The following CPSF3 variants were observed in gnomAD, a reference collection of about 807,000 sequenced individuals.
CPSF3 encodes the protein cleavage and polyadenylation specificity factor subunit 3.
CPSF3 carries 57 observed loss-of-function variants against 84.1 expected under a neutral mutation model. That is an observed-to-expected ratio of 0.68 (90% CI 0.55 to 0.85). CPSF3 has a LOEUF of 0.85. Among genes scored for constraint, CPSF3 ranks in the 40% least tolerant of loss-of-function variants. The pLI is 0.00. For synonymous variants in CPSF3, 275 were observed against 278.1 expected, an observed-to-expected ratio of 0.99 and a Z score of 0.11; for missense variants, 522 against 838.8, an observed-to-expected ratio of 0.62 and a Z score of 4.66.
chr2:9,468,191 G>T (rs1007770547), intron 16 of CPSF3, among the ~76,000 whole-genome samples: 2 of 152,132 alleles, frequency 1.3e-5, no homozygotes, highest in African/African-American at 4.8e-5. Context: ...TGTAAGCGAT[G>T]AATTAACTTT....
rs764110074 is a variant in CPSF3 at position 9,433,950 on chromosome 2, T to G, written c.599T>G (p.Ile200Ser). ...GAAATTCCTAATATTAAGCCTGATA[T>G]TCTTATCATTGTAAGTATTAATATA... ...AAEIPNIKPD[I>S]LIIESTYGTH... is the part of the protein sequence containing the mutation. The change falls in exon 6 of 18, where the codon ATT (isoleucine) becomes AGT (serine). Residue 200 changes from isoleucine to serine, a missense_variant. Around this residue, in one of 2 missense-constraint regions of CPSF3, gnomAD observed 329 missense variants for 607.2 expected, o/e 0.54. Coordinates refer to ENST00000238112, the MANE Select transcript of CPSF3 (RefSeq NM_016207.4). 1 of 1,567,018 alleles carries G rather than the reference T, an allele frequency of 6.4e-7. No homozygotes were observed. Among genetic ancestry groups the G allele is most frequent in the East Asian group, 2.2e-5 (1 of 44,534 alleles).
In CPSF3 at chr2:9,434,368, CA is replaced by C. The variant is rs752334444; in HGVS notation, c.609+422del. 7.8e-3 allele frequency among the ~76,000 whole-genome samples: 1,070 copies of C among 136,956 alleles called. 6 individuals are homozygous for C. The highest frequency in any genetic ancestry group is 0.02 in the African/African-American group (767 of 37,434). The allele number at this position is 136,956 out of a possible 152,430, so 89.8% of individuals were successfully genotyped here. On this transcript the variant is annotated intron_variant, in intron 6 of 17. Transcript: ENST00000238112. ...TGGGCTACAAAGCAAGACTCAGTCT[CA>C]AAAAAAAAAAAAATTGGGGCAGGTG...
chr2:9,454,802 C>T (rs1681467413), intron 12 of CPSF3, among the ~76,000 whole-genome samples: 1 of 151,984 alleles, frequency 6.6e-6, no homozygotes, highest in African/African-American at 2.4e-5. Flanking sequence ...CCTAGGCCTC[C>T]CAAAGTGCTG....
At chr2:9,448,703 C>T (rs533503452) in intron 11 of CPSF3, among the ~76,000 whole-genome samples, 4 of 152,136 alleles carry the variant, frequency 2.6e-5, no homozygotes, top group South Asian at 4.2e-4. Context: ...ATTACAGGTG[C>T]GCGCCACCAC....
At chr2:9,431,313 C>T (rs746507206) in intron 4 of CPSF3, among the ~76,000 whole-genome samples, 1 of 152,216 alleles carries the variant, frequency 6.6e-6, no homozygotes, top group Non-Finnish European at 1.5e-5. Context: ...CTTGGCCTCC[C>T]AGAGTGCTGG....
chr2:9,431,637 G>A (rs953472796), intron 4 of CPSF3, among the ~76,000 whole-genome samples: 15 of 148,672 alleles, frequency 1.0e-4, no homozygotes, highest in South Asian at 2.1e-4. Context: ...CTCTGCTCCC[G>A]GGTTCAGGCA....
intron 1 of CPSF3, chr2:9,424,549 T>C (rs1255936536): frequency 6.6e-6 from 1 of 152,278 alleles, no homozygotes; most frequent in Non-Finnish European, 1.5e-5. Flanking sequence ...TATTGTTAGA[T>C]ACTAGTTGGC....
chr2:9,452,293 C>T (rs1423997576), intron 11 of CPSF3, among the ~76,000 whole-genome samples: 1 of 147,104 alleles, frequency 6.8e-6, no homozygotes, highest in Non-Finnish European at 1.5e-5. Context: ...TGTGCCATTG[C>T]ACTCCAGCCT....
chr2:9,423,839 G>A lies in CPSF3; in HGVS notation c.50+16G>A, dbSNP rs1441550778. 15 of 1,611,844 alleles carry A rather than the reference G, an allele frequency of 9.3e-6. No individual in the cohort carries two copies. The highest frequency in any genetic ancestry group is 1.3e-5 in the Non-Finnish European group (15 of 1,179,088). ...TCCGACCCCTGTAAGGGACCAGCGA[G>A]AGAGGGAATGAAGCCACGGGCTGTG... On this transcript the variant is annotated intron_variant, in intron 1 of 17. Coordinates refer to ENST00000238112, the MANE Select transcript of CPSF3 (RefSeq NM_016207.4).
intron 2 of CPSF3, 45 bp from the exon 3 acceptor site, chr2:9,429,878 A>G: frequency 7.5e-7 from 1 of 1,325,026 alleles, no homozygotes; most frequent in South Asian, 1.3e-5. Flanking sequence ...ATGAATTTTA[A>G]TAAAATGTGC....
At chr2:9,428,660 C>A in intron 1 of CPSF3, 105 bp from the exon 2 acceptor site, 1 of 701,668 alleles carries the variant, frequency 1.4e-6, no homozygotes, top group Non-Finnish European at 2.5e-6. Flanking sequence ...CAGTGAGGTG[C>A]TGTCATCAGA....
At chr2:9,471,978 C>T (rs1682182222) in intron 17 of CPSF3, among the ~76,000 whole-genome samples, 1 of 145,316 alleles carries the variant, frequency 6.9e-6, no homozygotes, top group Non-Finnish European at 1.5e-5. Flanking sequence ...TGCACTCCAG[C>T]CTGGATGATA....
In CPSF3 at chr2:9,467,691, C is replaced by CT. The variant is rs752250920; in HGVS notation, c.1787-6dup. ...AATTTAGAAACTGAACTCTCTGTCG[C>CT]TTTTTTTTTTCCCAGGTGCAGTACA... On this transcript the variant is annotated splice_polypyrimidine_tract_variant and intron_variant, in intron 15 of 17. Transcript: ENST00000238112. 4.3e-3 allele frequency: 5,982 copies of CT among 1,384,858 alleles called. No homozygotes were observed. The highest frequency in any genetic ancestry group is 5.8e-3 in the South Asian group (423 of 72,704). 85.8% of individuals were successfully genotyped at this position (1,384,858 alleles called of 1,614,324 possible).
In CPSF3 at chr2:9,423,758, C is replaced by T. The variant is rs1680206767; in HGVS notation, c.-16C>T. 4 of 1,613,262 alleles carry T rather than the reference C, an allele frequency of 2.5e-6. No individual in the cohort carries two copies. Among genetic ancestry groups the T allele is most frequent in the Non-Finnish European group, 3.4e-6 (4 of 1,179,690 alleles). Reference sequence around the variant, plus strand: ...CGACCTGTTCCTCACCCCCGCTTCGCCCTCACACTTTCGGGATGTCTGCGA... The same window carrying T: ...CGACCTGTTCCTCACCCCCGCTTCGTCCTCACACTTTCGGGATGTCTGCGA... On this transcript the variant is annotated 5_prime_UTR_variant, in exon 1 of 18. Coordinates refer to ENST00000238112, the MANE Select transcript of CPSF3 (RefSeq NM_016207.4).
intron 15 of CPSF3, among the ~76,000 whole-genome samples, chr2:9,466,221 C>T (rs984488763): frequency 1.1e-4 from 16 of 148,852 alleles, no homozygotes; most frequent in Non-Finnish European, 1.9e-4. Context: ...CACACACGCA[C>T]GCACACACAC....
intron 14 of CPSF3, 98 bp from the exon 15 acceptor site, chr2:9,459,433 C>G: frequency 1.3e-6 from 1 of 756,732 alleles, no homozygotes. Flanking sequence ...AGCAGTAGTT[C>G]CATATGTACA....
chr2:9,444,058 G>T (rs972616386), intron 10 of CPSF3, among the ~76,000 whole-genome samples: 1 of 151,218 alleles, frequency 6.6e-6, no homozygotes, highest in Non-Finnish European at 1.5e-5. Flanking sequence ...AGCTCATAAG[G>T]TTATTGTAAG....
chr2:9,453,048 C>A, intron 12 of CPSF3, 27 bp downstream of exon 12: 1 of 1,376,006 alleles, frequency 7.3e-7, no homozygotes, highest in South Asian at 1.3e-5. Flanking sequence ...ATGTCAAATC[C>A]AACTTCACCT....
In CPSF3 at chr2:9,448,241, C is replaced by G. The variant is rs1330416153; in HGVS notation, c.1286C>G (p.Ala429Gly). The G allele has an allele frequency of 6.2e-7, 1 of 1,611,144 alleles. No individual in the cohort carries two copies. Among genetic ancestry groups the G allele is most frequent in the Non-Finnish European group, 8.5e-7 (1 of 1,177,608 alleles). The change falls in exon 11 of 18, where the codon GCA becomes GGA. Residue 429 changes from alanine (A) to glycine (G), a missense_variant. Ala to Gly is a moderately conservative substitution (Grantham distance 60, BLOSUM62 0). This residue lies in a region of CPSF3 where 329 missense variants were observed against 607.2 expected (regional missense o/e 0.54). Coordinates refer to ENST00000238112, the MANE Select transcript of CPSF3 (RefSeq NM_016207.4). The part of the protein sequence containing the change: ...GEQNEMARLK[A>G]ALIREYEDND... ...CAGAATGAAATGGCCAGATTGAAAGCAGCACTGATTCGAGAATATGAAGAT... is the reference window on the plus strand; with the variant it reads ...CAGAATGAAATGGCCAGATTGAAAGGAGCACTGATTCGAGAATATGAAGAT...
Sources: gnomAD v4.1 joint callset for allele counts (sites outside exome capture counted in the v4.1 genomes callset) on GRCh38, gnomAD v4.1.1 for gene constraint, gnomAD v4.1.1 regional missense constraint, MANE v1.5 for transcripts, NCBI Gene and HGNC (gene_info 2026-07-23, HGNC 2026-07-21) for gene names.